The following VTI1A variants were observed in gnomAD, a reference collection of about 807,000 sequenced individuals.
The protein encoded by VTI1A is vesicle transport through interaction with t-SNAREs 1A.
A neutral mutation model predicts 34.9 loss-of-function variants in VTI1A; 22 were observed. That is an observed-to-expected ratio of 0.63 (90% CI 0.45 to 0.90). VTI1A has a LOEUF of 0.90. Ranked by LOEUF, VTI1A falls within the 40% of genes least tolerant of loss-of-function variation. VTI1A has a pLI of 0.00. For missense variants in VTI1A, 268 were observed against 275.6 expected (o/e 0.97, Z 0.20); for synonymous variants, 87 against 97.3 (o/e 0.89, Z 0.62).
intron 4 of VTI1A, among the ~76,000 whole-genome samples, chr10:112,533,944 C>T (rs764789838): frequency 1.3e-5 from 2 of 151,816 alleles, no homozygotes; most frequent in African/African-American, 2.4e-5. Flanking sequence ...ATTTACTTTA[C>T]TGTAAACTGT....
At chr10:112,770,401 T>TC (rs1176072151) in intron 7 of VTI1A, among the ~76,000 whole-genome samples, 29 of 143,652 alleles carry the variant, frequency 2.0e-4, no homozygotes, top group Non-Finnish European at 1.2e-4. Context: ...TTCTTTTTTC[T>TC]TTTTTTTTTT....
intron 5 of VTI1A, among the ~76,000 whole-genome samples, chr10:112,617,505 A>G (rs1385633713): frequency 3.3e-5 from 5 of 152,194 alleles, no homozygotes; most frequent in African/African-American, 1.2e-4. Context: ...TTAGATTAAA[A>G]ATAATAATAA....
chr10:112,649,667 A>G (rs1419662946), intron 5 of VTI1A, among the ~76,000 whole-genome samples: 1 of 152,202 alleles, frequency 6.6e-6, no homozygotes, highest in Non-Finnish European at 1.5e-5. Flanking sequence ...ATCCTTAGGC[A>G]TTTCATCATT....
chr10:112,635,451 A>G (rs757039837), intron 5 of VTI1A, among the ~76,000 whole-genome samples: 6 of 152,198 alleles, frequency 3.9e-5, no homozygotes, highest in Non-Finnish European at 8.8e-5. Context: ...GAATTGAGAG[A>G]GAAGCCTGAA....
intron 5 of VTI1A, among the ~76,000 whole-genome samples, chr10:112,644,861 A>G (rs1317608817): frequency 6.6e-6 from 1 of 152,236 alleles, no homozygotes; most frequent in African/African-American, 2.4e-5. Flanking sequence ...CAGAATGGCA[A>G]AATGACATTA....
intron 7 of VTI1A, among the ~76,000 whole-genome samples, chr10:112,724,169 A>G (rs1388761966): frequency 1.3e-5 from 2 of 152,156 alleles, no homozygotes; most frequent in African/African-American, 2.4e-5. Flanking sequence ...ACAGGTCCCA[A>G]TAGGTCATTT....
intron 3 of VTI1A, among the ~76,000 whole-genome samples, chr10:112,483,833 G>GT (rs1340524990): frequency 1.3e-5 from 2 of 152,082 alleles, no homozygotes; most frequent in Admixed American, 6.6e-5. Flanking sequence ...CTAATAGGCT[G>GT]GATATCATGT....
chr10:112,532,733 A>C (rs970934397), intron 4 of VTI1A, among the ~76,000 whole-genome samples: 2 of 152,180 alleles, frequency 1.3e-5, no homozygotes, highest in African/African-American at 2.4e-5. Flanking sequence ...ACAAAACTGC[A>C]ATATAAATGA....
chr10:112,740,477 G>A (rs1850656313), intron 7 of VTI1A, among the ~76,000 whole-genome samples: 1 of 152,338 alleles, frequency 6.6e-6, no homozygotes, highest in East Asian at 1.9e-4. Context: ...AGAGACAGGG[G>A]TTTCACCATC....
chr10:112,478,896 C>T (rs567785587), intron 3 of VTI1A, among the ~76,000 whole-genome samples: 7 of 152,184 alleles, frequency 4.6e-5, no homozygotes, highest in South Asian at 2.1e-4. Context: ...TGGCCGGGCG[C>T]GGTGGTTCAC....
intron 7 of VTI1A, among the ~76,000 whole-genome samples, chr10:112,683,500 C>A (rs1848290648): frequency 6.6e-6 from 1 of 151,938 alleles, no homozygotes; most frequent in African/African-American, 2.4e-5. Flanking sequence ...CATATTTTTC[C>A]TATAAAACAG....
chr10:112,490,391 ACT>A (rs1848780279), intron 3 of VTI1A, among the ~76,000 whole-genome samples: 1 of 151,828 alleles, frequency 6.6e-6, no homozygotes, highest in African/African-American at 2.4e-5. Context: ...TTGTAATAAA[ACT>A]CTTTCTCAAT....
At chr10:112,794,060 C>A (rs1852586129) in intron 7 of VTI1A, among the ~76,000 whole-genome samples, 1 of 152,252 alleles carries the variant, frequency 6.6e-6, no homozygotes, top group Admixed American at 6.5e-5. Flanking sequence ...AGAACTCAAA[C>A]AACCACAAAG....
chr10:112,479,038 G>A (rs1024402135), intron 3 of VTI1A, among the ~76,000 whole-genome samples: 2 of 152,068 alleles, frequency 1.3e-5, no homozygotes, highest in African/African-American at 2.4e-5. Context: ...GTGGTGGCAC[G>A]CGCCTGTAAT....
intron 3 of VTI1A, among the ~76,000 whole-genome samples, chr10:112,517,802 TCAAAAA>T (rs1335591138): frequency 6.6e-6 from 1 of 151,978 alleles, no homozygotes; most frequent in Non-Finnish European, 1.5e-5. Flanking sequence ...GTCAAGGTCA[TCAAAAA>T]CAAATAAGTC....
intron 5 of VTI1A, among the ~76,000 whole-genome samples, chr10:112,555,918 A>G (rs1048492102): frequency 6.6e-5 from 10 of 152,144 alleles, no homozygotes; most frequent in East Asian, 1.9e-4. Context: ...GATTCATACT[A>G]TACAGAAAAG....
chr10:112,691,047 C>A (rs1020114409), intron 7 of VTI1A, among the ~76,000 whole-genome samples: 9 of 152,038 alleles, frequency 5.9e-5, no homozygotes, highest in African/African-American at 2.2e-4. Context: ...GCAGGCGGAT[C>A]ATTTGAGGCC....
At chr10:112,606,613 C>CT (rs1261631914) in intron 5 of VTI1A, among the ~76,000 whole-genome samples, 1 of 152,128 alleles carries the variant, frequency 6.6e-6, no homozygotes, top group Non-Finnish European at 1.5e-5. Context: ...ATTTGTTGTT[C>CT]TTTTTTTCAG....
intron 5 of VTI1A, among the ~76,000 whole-genome samples, chr10:112,591,528 A>ACACACACC (rs1462512192): frequency 6.6e-6 from 1 of 152,122 alleles, no homozygotes; most frequent in African/African-American, 2.4e-5. Context: ...TCACACACAC[A>ACACACACC]CACACACACA....
Sources: allele counts gnomAD v4.1 joint callset (sites outside exome capture counted in the v4.1 genomes callset), GRCh38; gene constraint gnomAD v4.1.1; transcripts MANE v1.5; gene names NCBI Gene and HGNC (gene_info 2026-07-23, HGNC 2026-07-21).